The following PLEKHM1 variants were observed in gnomAD, a reference collection of about 807,000 sequenced individuals.
The protein encoded by PLEKHM1 is pleckstrin homology domain-containing family M member 1.
PLEKHM1 carries 28 observed loss-of-function variants against 94.3 expected under a neutral mutation model. That is an observed-to-expected ratio of 0.30 (90% CI 0.22 to 0.41). The LOEUF is 0.41. Among genes scored for constraint, PLEKHM1 ranks in the 10% least tolerant of loss-of-function variants. PLEKHM1 has a pLI of 1.00. For synonymous variants in PLEKHM1, 424 were observed against 581.2 expected (o/e 0.73, Z 3.89); for missense variants, 907 against 1,358.6 (o/e 0.67, Z 5.22).
At position 45,453,246 on chromosome 17, in the gene PLEKHM1, G is replaced by A; in HGVS notation, c.2497+109C>T. On this transcript the variant is annotated intron_variant, in intron 7 of 11. Coordinates refer to ENST00000430334, the MANE Select transcript of PLEKHM1 (RefSeq NM_014798.3). This position sits in a 1 kb window ranked among gnomAD's most constrained non-coding sequence, Gnocchi z 4.1. ...ATCTGTGGCCTCATCCCTAGGGGAA[G>A]GATGGGGGCATTTGCGGGGAGGCAG... is the stretch of plus-strand genomic sequence containing the variant. The A allele has an allele frequency of 1.1e-6, 1 of 895,072 alleles. No individual in the cohort carries two copies. The highest frequency in any genetic ancestry group is 1.8e-6 in the Non-Finnish European group (1 of 548,846). The allele number at this position is 895,072 out of a possible 1,614,324, so 55.4% of individuals were successfully genotyped here.
rs2050258996 is a variant in PLEKHM1, at chr17:45,436,421, A to G, written c.*1437T>C. On this transcript the variant is annotated 3_prime_UTR_variant, in exon 12 of 12. Transcript: ENST00000430334. ...TCTGCTGCACAGGCATCCAGCTCCA[A>G]GGCTGGGTGGGTGACTCAGCAGCTA... 2.2e-6 allele frequency: 1 copy of G among 453,220 alleles called. No individual in the cohort carries two copies. Among genetic ancestry groups the G allele is most frequent in the South Asian group, 1.6e-5 (1 of 64,462 alleles). 28.1% of individuals were successfully genotyped at this position (453,220 alleles called of 1,614,324 possible).
At position 45,437,621 on chromosome 17, in the gene PLEKHM1, G is replaced by C. The variant is rs1465268788; in HGVS notation, c.*237C>G. On this transcript the variant is annotated 3_prime_UTR_variant, in exon 12 of 12. Transcript: ENST00000430334. This position sits in a 1 kb window ranked among gnomAD's most constrained non-coding sequence, Gnocchi z 4.0. ...AACGGCCCTGCCTGCCCCAGACAGG[G>C]AGCATCTGGTGGTGGCCACGCCTCC... 4.5e-6 allele frequency: 3 copies of C among 672,886 alleles called. No individual in the cohort carries two copies. Among genetic ancestry groups the C allele is most frequent in the Non-Finnish European group, 8.2e-6 (3 of 367,578 alleles). 41.7% of individuals were successfully genotyped at this position (672,886 alleles called of 1,614,324 possible).
intron 6 of PLEKHM1, chr17:45,454,703 A>C: frequency 3.0e-6 from 1 of 328,204 alleles, no homozygotes; most frequent in Non-Finnish European, 5.8e-6. Flanking sequence ...CTATGGGGTG[A>C]CTCCCATCGG....
At position 45,453,991 on chromosome 17, in the gene PLEKHM1, G is replaced by A. The variant is rs535231948; in HGVS notation, c.1861C>T (p.Arg621Trp). The change falls in exon 7 of 12, where the codon CGG becomes TGG. Residue 621 changes from arginine to tryptophan, a missense_variant. Transcript: ENST00000430334. The surrounding 1 kb of genome is among the most constrained non-coding windows in gnomAD (Gnocchi z 4.1). ...GGCCGGACCTTCTGCAGGGCCTCCC[G>A]CACCCGGTCCAGCCAGTCCTCAGCT... ...DEAEDWLDRV[R>W]EALQKVRPQQ... 3.1e-6 allele frequency: 5 copies of A among 1,614,004 alleles called. No homozygotes were observed. In the African/African-American group the frequency reaches 4.0e-5, roughly 13 times the overall value.
intron 6 of PLEKHM1, among the ~76,000 whole-genome samples, chr17:45,457,678 T>C (rs2095546422): frequency 1.3e-5 from 2 of 151,786 alleles, no homozygotes; most frequent in Non-Finnish European, 2.9e-5. Context: ...TGAGCAGAGA[T>C]CATGCCACTG....
intron 7 of PLEKHM1, among the ~76,000 whole-genome samples, chr17:45,451,607 T>C (rs2050776684): frequency 2.0e-5 from 3 of 152,070 alleles, no homozygotes; most frequent in African/African-American, 7.2e-5. Flanking sequence ...TGTGGGGTTA[T>C]TACAAAGCTT....
intron 10 of PLEKHM1, 36 bp from the exon 11 acceptor site, chr17:45,439,670 G>T (rs568482976): frequency 6.2e-7 from 1 of 1,611,390 alleles, no homozygotes; most frequent in Admixed American, 1.7e-5. Context: ...CATACACCCC[G>T]TCTGCGATCT....
rs780822473 is a variant in PLEKHM1 at position 45,437,248 on chromosome 17, C to T, written c.*610G>A. ...GGACTGGCCCTGCCCTGCTGAGGGG[C>T]GGTTTGGCACTGGCAGTGAGGGCCA... On this transcript the variant is annotated 3_prime_UTR_variant, in exon 12 of 12. Coordinates refer to ENST00000430334, the MANE Select transcript of PLEKHM1 (RefSeq NM_014798.3). This position sits in a 1 kb window ranked among gnomAD's most constrained non-coding sequence, Gnocchi z 4.0. 7 of 453,862 alleles carry T rather than the reference C, an allele frequency of 1.5e-5. No individual in the cohort carries two copies. The highest frequency in any genetic ancestry group is 4.0e-5 in the African/African-American group (2 of 49,996). The allele number at this position is 453,862 out of a possible 1,614,324, so 28.1% of individuals were successfully genotyped here.
rs1331463460 is a variant in PLEKHM1 at position 45,444,851 on chromosome 17, C to T, written c.2837+619G>A. 3.3e-5 allele frequency among the ~76,000 whole-genome samples: 5 copies of T among 152,092 alleles called. No individual in the cohort carries two copies. The highest frequency in any genetic ancestry group is 6.5e-5 in the Admixed American group (1 of 15,272). On this transcript the variant is annotated intron_variant, in intron 9 of 11. Transcript: ENST00000430334. The surrounding 1 kb of genome is among the most constrained non-coding windows in gnomAD (Gnocchi z 5.0). ...ATGTCAAGCCTCTGTGGTTCCAGGA[C>T]GTCCTGCCTCTCACCCTCACCCCCA...
At position 45,465,625 on chromosome 17, in the gene PLEKHM1, A is replaced by G. The variant is rs561517552; in HGVS notation, c.1308+2584T>C. On this transcript the variant is annotated intron_variant, in intron 5 of 11. Coordinates refer to ENST00000430334, the MANE Select transcript of PLEKHM1 (RefSeq NM_014798.3). ...CTTGGGAGGCTGAGGCATGAGAATCAGTTGAACTTAGGAGGCGGAGGTTTC... is the reference window on the plus strand; with the variant it reads ...CTTGGGAGGCTGAGGCATGAGAATCGGTTGAACTTAGGAGGCGGAGGTTTC... 9.9e-5 allele frequency among the ~76,000 whole-genome samples: 15 copies of G among 152,276 alleles called. No homozygotes were observed. The South Asian group carries it at 2.5e-3, about 25-fold the overall frequency.
In PLEKHM1 at chr17:45,437,437, C is replaced by T. The variant is rs1049366203; in HGVS notation, c.*421G>A. On this transcript the variant is annotated 3_prime_UTR_variant, in exon 12 of 12. Transcript: ENST00000430334. The surrounding 1 kb of genome is among the most constrained non-coding windows in gnomAD (Gnocchi z 4.0). ...ACGTAGGGTCAAGAATAAAAAAATA[C>T]TTTCTGTTGAAATATGAATGGGAAA... is the stretch of plus-strand genomic sequence containing the variant. 1.1e-5 allele frequency: 5 copies of T among 460,112 alleles called. No individual in the cohort carries two copies. Among genetic ancestry groups the T allele is most frequent in the African/African-American group, 2.0e-5 (1 of 50,322 alleles). The allele number at this position is 460,112 out of a possible 1,614,324, so 28.5% of individuals were successfully genotyped here.
chr17:45,484,021 C>T (rs1168912035), intron 1 of PLEKHM1, among the ~76,000 whole-genome samples: 1 of 152,238 alleles, frequency 6.6e-6, no homozygotes, highest in African/African-American at 2.4e-5. Flanking sequence ...TCATCCTAGC[C>T]TCTCCCTTTT....
Position 45,477,902 on chromosome 17 carries a change from G to C in PLEKHM1, c.294C>G (p.His98Gln). The change falls in exon 3 of 12, where the codon CAC (histidine) becomes CAG (glutamine). Residue 98 changes from histidine (H) to glutamine (Q), a missense_variant and splice_region_variant. His to Gln is a conservative substitution (Grantham distance 24). Transcript: ENST00000430334. ...AAACCTCTCCAGCTAAATCTCACTT[G>C]TGGGTGACAGCTTTCAGGAGGGGCC... ...VFWPLLKAVT[H>Q]KHIISELEHL... 1 of 1,613,940 alleles carries C rather than the reference G, an allele frequency of 6.2e-7. No individual in the cohort carries two copies. Among genetic ancestry groups the C allele is most frequent in the Non-Finnish European group, 8.5e-7 (1 of 1,179,952 alleles).
At chr17:45,486,538 C>T (rs1375552208) in intron 1 of PLEKHM1, among the ~76,000 whole-genome samples, 2 of 151,680 alleles carry the variant, frequency 1.3e-5, no homozygotes, top group Non-Finnish European at 2.9e-5. Context: ...TGTGCCACTG[C>T]ACCCCAGCTT....
intron 5 of PLEKHM1, among the ~76,000 whole-genome samples, chr17:45,464,684 G>A (rs1427522303): frequency 1.3e-5 from 2 of 152,092 alleles, no homozygotes; most frequent in Non-Finnish European, 2.9e-5. Context: ...AGCACCAAGC[G>A]CTTAGATGTC....
chr17:45,458,382 G>T lies in PLEKHM1; in HGVS notation c.1366C>A (p.Leu456Met). 6.2e-7 allele frequency: 1 copy of T among 1,613,972 alleles called. No homozygotes were observed. Among genetic ancestry groups the T allele is most frequent in the South Asian group, 1.1e-5 (1 of 91,076 alleles). ...ATTGGGTGGTCTGAAGCACTCTCCA[G>T]GGGTTGCTCCCGGGAAGGCCGGTAG... ...DFYRPSREQP[L>M]ESASDHPIAS... The change falls in exon 6 of 12, where the codon CTG becomes ATG. Residue 456 changes from leucine to methionine, a missense_variant. By Grantham distance (15) the Leu-to-Met change is conservative (BLOSUM62 2). Around this residue, in one of 3 missense-constraint regions of PLEKHM1, gnomAD observed 477 missense variants for 601.5 expected, o/e 0.79. Coordinates refer to ENST00000430334, the MANE Select transcript of PLEKHM1 (RefSeq NM_014798.3).
At position 45,436,184 on chromosome 17, in the gene PLEKHM1, C is replaced by A. The variant is rs1405464542; in HGVS notation, c.*1674G>T. On this transcript the variant is annotated 3_prime_UTR_variant, in exon 12 of 12. Coordinates refer to ENST00000430334, the MANE Select transcript of PLEKHM1 (RefSeq NM_014798.3). Reference sequence around the variant, plus strand: ...ACCTTCGGGGAGAATCCTCACAGGCCCAAGCCCTCCCCAGGCCAGGCTCCT... The same window carrying A: ...ACCTTCGGGGAGAATCCTCACAGGCACAAGCCCTCCCCAGGCCAGGCTCCT... 2.2e-6 allele frequency: 1 copy of A among 454,586 alleles called. No homozygotes were observed. Among genetic ancestry groups the A allele is most frequent in the Non-Finnish European group, 4.4e-6 (1 of 226,862 alleles). 28.2% of individuals were successfully genotyped at this position (454,586 alleles called of 1,614,324 possible).
intron 7 of PLEKHM1, among the ~76,000 whole-genome samples, chr17:45,452,131 T>G (rs2050790899): frequency 6.6e-6 from 1 of 152,048 alleles, no homozygotes; most frequent in Non-Finnish European, 1.5e-5. Flanking sequence ...CCCATGGTGA[T>G]GGGATGCCAT....
Position 45,475,170 on chromosome 17 carries a change from C to T in PLEKHM1, c.853G>A (p.Glu285Lys), listed in dbSNP as rs760723270. 14 of 1,613,968 alleles carry T rather than the reference C, an allele frequency of 8.7e-6. No individual in the cohort carries two copies. The highest frequency in any genetic ancestry group is 2.7e-5 in the African/African-American group (2 of 75,038). ...TCTGAGTCACAGGACATGGGCTCCT[C>T]GCAATGGTCTGGACTCTTGGAGCCA... Reference protein sequence around the residue: ...ENGSKSPDHCEEPMSCDSDLG... With the variant: ...ENGSKSPDHCKEPMSCDSDLG... The change falls in exon 4 of 12, where the codon GAG (glutamate) becomes AAG (lysine). Residue 285 changes from glutamate (E) to lysine (K), a missense_variant. Transcript: ENST00000430334.
Sources: allele counts gnomAD v4.1 joint callset (sites outside exome capture counted in the v4.1 genomes callset), GRCh38; gene constraint gnomAD v4.1.1; regional missense constraint gnomAD v4.1.1; non-coding constraint Gnocchi (gnomAD v3.1); transcripts MANE v1.5; gene names NCBI Gene and HGNC (gene_info 2026-07-23, HGNC 2026-07-21).